MCTP1: variants seen among roughly 807,000 people sequenced by gnomAD.
MCTP1 encodes the protein multiple C2 and transmembrane domain-containing protein 1.
A neutral mutation model predicts 120.6 loss-of-function variants in MCTP1; 69 were observed. The ratio of observed to expected loss-of-function variants is 0.57; its 90% CI spans 0.47 to 0.70. The LOEUF is 0.70. Ranked by LOEUF, MCTP1 falls within the 30% of genes least tolerant of loss-of-function variation. MCTP1 has a pLI of 0.00. For synonymous variants in MCTP1, 529 were observed against 493.1 expected, an observed-to-expected ratio of 1.07 and a Z score of -0.96; for missense variants, 1,203 against 1,248.8, an observed-to-expected ratio of 0.96 and a Z score of 0.55.
intron 1 of MCTP1, among the ~76,000 whole-genome samples, chr5:95,178,148 A>C (rs1748220306): frequency 6.6e-6 from 1 of 152,100 alleles, no homozygotes; most frequent in Non-Finnish European, 1.5e-5. Context: ...ACATACCTCC[A>C]TTGGGCTGAG....
chr5:95,008,344 C>A (rs1835180576), intron 2 of MCTP1, among the ~76,000 whole-genome samples: 1 of 152,108 alleles, frequency 6.6e-6, no homozygotes. Context: ...ACCCCCTCAC[C>A]CCTTACCAAT....
chr5:94,709,962 G>A (rs1756229707), intron 21 of MCTP1: 2 of 152,100 alleles, frequency 1.3e-5, no homozygotes, highest in African/African-American at 4.8e-5. Flanking sequence ...TTTGCTTTCA[G>A]TGTAAGCACA....
At chr5:95,262,128 G>A (rs866758078) in intron 1 of MCTP1, among the ~76,000 whole-genome samples, 1 of 152,304 alleles carries the variant, frequency 6.6e-6, no homozygotes, top group African/African-American at 2.4e-5. Flanking sequence ...GGCCCATCTC[G>A]AGATGATGGG....
intron 1 of MCTP1, among the ~76,000 whole-genome samples, chr5:95,213,617 T>C (rs865877381): frequency 2.0e-5 from 3 of 151,546 alleles, no homozygotes; most frequent in Admixed American, 6.6e-5. Context: ...CAAACTATAC[T>C]ACAAGGCTAC....
At chr5:95,071,666 A>C (rs1371408028) in intron 1 of MCTP1, among the ~76,000 whole-genome samples, 1 of 152,158 alleles carries the variant, frequency 6.6e-6, no homozygotes, top group Middle Eastern at 3.2e-3. Context: ...CCTGAATGCA[A>C]GTGGGGAAAT....
chr5:94,966,233 A>T (rs1009653458), intron 2 of MCTP1, among the ~76,000 whole-genome samples: 8 of 152,166 alleles, frequency 5.3e-5, no homozygotes, highest in Non-Finnish European at 1.0e-4. Context: ...TCCAAGCCCA[A>T]TGTTTCTTCT....
intron 2 of MCTP1, chr5:94,979,169 T>A (rs1452069655): frequency 1.3e-5 from 2 of 150,618 alleles, no homozygotes; most frequent in Non-Finnish European, 2.9e-5. Flanking sequence ...AATCAAACAA[T>A]TTTCCTACTC....
intron 2 of MCTP1, among the ~76,000 whole-genome samples, chr5:94,953,943 A>AATAT (rs147179108): frequency 0.065 from 1,355 of 20,812 alleles, 302 homozygotes; most frequent in African/African-American, 0.28. Flanking sequence ...TATATATACA[A>AATAT]ATATATATGC....
At chr5:94,941,686 T>G in intron 4 of MCTP1, among the ~76,000 whole-genome samples, 1 of 152,024 alleles carries the variant, frequency 6.6e-6, no homozygotes, top group East Asian at 1.9e-4. Context: ...CTAATGGTAT[T>G]TTTTTATTCT....
intron 2 of MCTP1, among the ~76,000 whole-genome samples, chr5:94,997,216 C>A (rs183900840): frequency 1.1e-3 from 174 of 152,304 alleles, no homozygotes; most frequent in African/African-American, 3.9e-3. Context: ...TTAAAGCTGC[C>A]TCAGAATCAA....
At chr5:95,064,068 A>C (rs1233859371) in intron 1 of MCTP1, among the ~76,000 whole-genome samples, 2 of 152,256 alleles carry the variant, frequency 1.3e-5, no homozygotes, top group East Asian at 3.8e-4. Context: ...AATAGTTCAT[A>C]TCCAAACTAT....
chr5:94,951,337 A>G (rs956468792), intron 3 of MCTP1, among the ~76,000 whole-genome samples: 2 of 152,270 alleles, frequency 1.3e-5, no homozygotes, highest in African/African-American at 4.8e-5. Flanking sequence ...TGAGCACAAA[A>G]GAATAAGAAA....
intron 1 of MCTP1, among the ~76,000 whole-genome samples, chr5:95,282,444 T>G (rs1031080123): frequency 2.6e-5 from 4 of 152,202 alleles, no homozygotes; most frequent in African/African-American, 7.2e-5. Context: ...GTTCCCCAAC[T>G]CTGAAATTCT....
intron 1 of MCTP1, among the ~76,000 whole-genome samples, chr5:95,120,820 A>G (rs1034035996): frequency 1.3e-5 from 2 of 152,224 alleles, no homozygotes; most frequent in African/African-American, 4.8e-5. Flanking sequence ...ACACAGTACT[A>G]GAAGTCCTAG....
At chr5:94,775,225 C>T (rs1012219264) in intron 19 of MCTP1, among the ~76,000 whole-genome samples, 33 of 152,156 alleles carry the variant, frequency 2.2e-4, no homozygotes, top group African/African-American at 6.5e-4. Flanking sequence ...TAGAATGCCA[C>T]GCATTTGAAT....
At chr5:94,769,016 A>C (rs1265836454) in intron 19 of MCTP1, among the ~76,000 whole-genome samples, 1 of 152,186 alleles carries the variant, frequency 6.6e-6, no homozygotes, top group African/African-American at 2.4e-5. Context: ...TGAATAAAGC[A>C]AATGTGGTAC....
chr5:94,916,124 A>G (rs969474885), intron 8 of MCTP1, among the ~76,000 whole-genome samples: 1 of 152,216 alleles, frequency 6.6e-6, no homozygotes, highest in African/African-American at 2.4e-5. Flanking sequence ...AAACTCCATA[A>G]TTCAATTGTA....
chr5:95,049,777 A>C (rs1002992380), intron 1 of MCTP1, among the ~76,000 whole-genome samples: 1 of 152,196 alleles, frequency 6.6e-6, no homozygotes. Context: ...GTAGAACAAA[A>C]GAACTGGAAA....
chr5:94,956,046 T>C (rs1442822144), intron 2 of MCTP1, among the ~76,000 whole-genome samples: 1 of 152,172 alleles, frequency 6.6e-6, no homozygotes, highest in Admixed American at 6.5e-5. Context: ...GGTGCCCCTC[T>C]GGGATGAAGC....
Sources: gnomAD v4.1 joint callset for allele counts (sites outside exome capture counted in the v4.1 genomes callset) on GRCh38, gnomAD v4.1.1 for gene constraint, MANE v1.5 for transcripts, NCBI Gene and HGNC (gene_info 2026-07-23, HGNC 2026-07-21) for gene names.